Variants in BIRC3 observed in about 807,000 individuals in gnomAD.
BIRC3 encodes baculoviral IAP repeat containing 3.
In BIRC3, 26 loss-of-function variants were observed where a neutral mutation model predicts 59.0. The observed-to-expected ratio is 0.44, with a 90% confidence interval of 0.32 to 0.61. The LOEUF is 0.61. Among genes scored for constraint, BIRC3 ranks in the 20% least tolerant of loss-of-function variants. The probability of loss-of-function intolerance (pLI) is 0.04; values close to 1 mark genes in which losing one functional copy is unlikely to be tolerated. For synonymous variants in BIRC3, 243 were observed against 249.2 expected, an observed-to-expected ratio of 0.98 and a Z score of 0.24; for missense variants, 641 against 711.5, an observed-to-expected ratio of 0.90 and a Z score of 1.13.
At chr11:102,334,843 A>T (rs1951180828) in intron 6 of BIRC3, among the ~76,000 whole-genome samples, 1 of 152,212 alleles carries the variant, frequency 6.6e-6, no homozygotes, top group Admixed American at 6.5e-5. Flanking sequence ...TATTATTCAA[A>T]ATGCTGTTAC....
Position 102,337,362 on chromosome 11 carries a change from T to C in BIRC3, c.*260T>C. On this transcript the variant is annotated 3_prime_UTR_variant, in exon 9 of 9. Coordinates refer to ENST00000263464, the MANE Select transcript of BIRC3 (RefSeq NM_001165.5). The stretch of plus-strand genomic sequence containing the variant: ...ACAATATTCAATCAAAATTTCAGCA[T>C]TATTGAAATTGTAAGTGAAGTAAAA... The C allele has an allele frequency of 2.5e-6, 1 of 402,648 alleles. No homozygotes were observed. The highest frequency in any genetic ancestry group is 4.4e-6 in the Non-Finnish European group (1 of 229,178). 24.9% of individuals were successfully genotyped at this position (402,648 alleles called of 1,614,324 possible).
chr11:102,329,550 A>G (rs17885550), intron 5 of BIRC3, among the ~76,000 whole-genome samples: 2,622 of 152,318 alleles, frequency 0.017, 42 homozygotes, highest in Non-Finnish European at 0.029. Flanking sequence ...AATGTCCATC[A>G]GTGATAGACT....
In BIRC3 at chr11:102,338,283, T is replaced by A. The variant is rs556643359; in HGVS notation, c.*1181T>A. The A allele has an allele frequency of 2.6e-4, 60 of 228,492 alleles. No homozygotes were observed. The East Asian group carries it at 2.9e-3, about 11-fold the overall frequency. 14.2% of individuals were successfully genotyped at this position (228,492 alleles called of 1,614,324 possible). A position where few individuals can be genotyped will look rare whatever the true frequency, so the allele number is the denominator to read the frequency against. The stretch of plus-strand genomic sequence containing the variant: ...TCAGGGGAAGGCAGGCAAAGGCTAG[T>A]CATCTAAACCAGTTCTAGATGTCTG... On this transcript the variant is annotated 3_prime_UTR_variant, in exon 9 of 9. Coordinates refer to ENST00000263464, the MANE Select transcript of BIRC3 (RefSeq NM_001165.5).
In BIRC3 at chr11:102,324,995, C is replaced by G. The variant is rs146254676; in HGVS notation, c.486C>G (p.Tyr162Ter). The G allele has an allele frequency of 1.2e-6, 2 of 1,614,056 alleles. No individual in the cohort carries two copies. The highest frequency in any genetic ancestry group is 1.7e-6 in the Non-Finnish European group (2 of 1,180,032). ...QDFSALMRSS[Y>*]HCAMNNENAR... is the part of the protein sequence containing the mutation. ...TTTCTGCCTTGATGAGAAGTTCCTA[C>G]CACTGTGCAATGAATAACGAAAATG... The change falls in exon 2 of 9, where the codon TAC becomes TAG. Residue 162 changes from tyrosine to a stop codon, truncating the protein, a stop_gained. Transcript: ENST00000263464. LOFTEE classifies it high-confidence loss of function.
At chr11:102,336,709 T>C in intron 7 of BIRC3, 51 bp from the exon 8 acceptor site, 1 of 1,536,088 alleles carries the variant, frequency 6.5e-7, no homozygotes, top group East Asian at 2.3e-5. Flanking sequence ...ATTCCATAGC[T>C]AAATATTAAC....
chr11:102,326,763 G>A (rs773246934), intron 3 of BIRC3: 11 of 454,660 alleles, frequency 2.4e-5, no homozygotes, highest in Admixed American at 1.4e-4. Context: ...ATTGGAGTGC[G>A]ATGGTGTGAT....
chr11:102,333,943 A>G (rs1951171226), intron 6 of BIRC3, among the ~76,000 whole-genome samples: 1 of 152,168 alleles, frequency 6.6e-6, no homozygotes, highest in Admixed American at 6.5e-5. Context: ...ACTACAAAAA[A>G]TTTTTAAAAC....
At chr11:102,330,935 A>G (rs1951131304) in intron 5 of BIRC3, 64 bp from the exon 6 acceptor site, 1 of 1,456,662 alleles carries the variant, frequency 6.9e-7, no homozygotes, top group South Asian at 1.5e-5. Flanking sequence ...ATTTCATTTC[A>G]AATTTCAATT....
At chr11:102,317,994 ACAGCAGTTTTTGGTTGTCTTCCTGGTGAT>A in intron 1 of BIRC3, among the ~76,000 whole-genome samples, 1 of 152,310 alleles carries the variant, frequency 6.6e-6, no homozygotes, top group Non-Finnish European at 1.5e-5. Context: ...TGGTAGGAAG[ACAGCAGTTTTTGGTTGTCTTCCTGGTGAT>A]CAGCATGGAA....
intron 3 of BIRC3, 87 bp downstream of exon 3, chr11:102,325,652 ACT>A (rs2135785114): frequency 8.0e-7 from 1 of 1,250,426 alleles, no homozygotes; most frequent in East Asian, 2.3e-5. Context: ...TTGTTACTTT[ACT>A]CTGTTCCAAA....
intron 4 of BIRC3, 34 bp downstream of exon 4, chr11:102,328,164 C>T: frequency 6.5e-7 from 1 of 1,550,028 alleles, no homozygotes; most frequent in East Asian, 2.3e-5. Flanking sequence ...TATTGGTTGC[C>T]ATCAGAGAAA....
Position 102,328,890 on chromosome 11 carries a change from T to TC in BIRC3, c.1033-6dup, listed in dbSNP as rs1555043016. 4.5e-4 allele frequency: 565 copies of TC among 1,247,758 alleles called. 2 individuals are homozygous for TC. In the African/African-American group the frequency reaches 8.1e-3, roughly 18 times the overall value. 77.3% of individuals were successfully genotyped at this position (1,247,758 alleles called of 1,614,324 possible). On this transcript the variant is annotated splice_region_variant and splice_polypyrimidine_tract_variant and intron_variant, in intron 4 of 8. Transcript: ENST00000263464. ...TATATATATATATATATTTTTTTTT[T>TC]CTGCAGCTGCTATCCACATCAGACA...
Position 102,337,735 on chromosome 11 carries a change from T to C in BIRC3, c.*633T>C. 1 of 254,302 alleles carries C rather than the reference T, an allele frequency of 3.9e-6. No homozygotes were observed. The allele number at this position is 254,302 out of a possible 1,614,324, so 15.8% of individuals were successfully genotyped here. A position where few individuals can be genotyped will look rare whatever the true frequency, so the allele number is the denominator to read the frequency against. ...AATAAAGCAACAAAAATTACTCTTA[T>C]TCTTCATTGCTTTATTTCAATGACA... On this transcript the variant is annotated 3_prime_UTR_variant, in exon 9 of 9. Transcript: ENST00000263464.
At chr11:102,327,009 T>C (rs1951089706) in intron 3 of BIRC3, among the ~76,000 whole-genome samples, 1 of 151,984 alleles carries the variant, frequency 6.6e-6, no homozygotes, top group Non-Finnish European at 1.5e-5. Flanking sequence ...TTGAAGAGAG[T>C]AGCTAAGAGC....
At position 102,336,183 on chromosome 11, in the gene BIRC3, G is replaced by T. The variant is rs1232479620; in HGVS notation, c.1542G>T (p.Leu514=). The change falls in exon 7 of 9, where the codon CTG becomes CTT. Residue 514 remains leucine, a synonymous_variant. Transcript: ENST00000263464. Reference sequence around the variant, plus strand: ...CAGCCACTGTATTCAGAAACTCTCTGCAAGAAGCTGAAGCTGTGTTATATG... The same window carrying T: ...CAGCCACTGTATTCAGAAACTCTCTTCAAGAAGCTGAAGCTGTGTTATATG... ...NIAATVFRNS[L]QEAEAVLYEH... 2.5e-6 allele frequency: 4 copies of T among 1,612,954 alleles called. No homozygotes were observed. Among genetic ancestry groups the T allele is most frequent in the Non-Finnish European group, 3.4e-6 (4 of 1,179,570 alleles).
In BIRC3 at chr11:102,325,453, A is replaced by C; in HGVS notation, c.854-13A>C. On this transcript the variant is annotated splice_polypyrimidine_tract_variant and intron_variant, in intron 2 of 8. Coordinates refer to ENST00000263464, the MANE Select transcript of BIRC3 (RefSeq NM_001165.5). ...ATGTGTATTCATAAGTTTTGGTCTAAAATTAATTTTAGGTAACAGTGATGA... is the reference window on the plus strand; with the variant it reads ...ATGTGTATTCATAAGTTTTGGTCTACAATTAATTTTAGGTAACAGTGATGA... 1 of 1,607,494 alleles carries C rather than the reference A, an allele frequency of 6.2e-7. No homozygotes were observed. Among genetic ancestry groups the C allele is most frequent in the South Asian group, 1.1e-5 (1 of 89,130 alleles).
In BIRC3 at chr11:102,321,377, C is replaced by G. The variant is rs545794939; in HGVS notation, c.-2673-460C>G. ...ATTTTATTTTATTTTATTTTTGAGA[C>G]AGAGTCTTGCTGTGTCACCCAGGCT... On this transcript the variant is annotated intron_variant, in intron 1 of 8. Coordinates refer to ENST00000263464, the MANE Select transcript of BIRC3 (RefSeq NM_001165.5). Among the ~76,000 whole-genome samples the G allele has an allele frequency of 2.6e-5, 4 of 151,488 alleles. No individual in the cohort carries two copies. In the South Asian group the frequency reaches 8.3e-4, roughly 31 times the overall value.
chr11:102,332,005 A>G (rs1282088118), intron 6 of BIRC3, among the ~76,000 whole-genome samples: 2 of 152,194 alleles, frequency 1.3e-5, no homozygotes, highest in Non-Finnish European at 2.9e-5. Context: ...ACATTAATAC[A>G]CAAATTACTA....
intron 7 of BIRC3, 101 bp downstream of exon 7, chr11:102,336,321 G>A: frequency 7.6e-7 from 1 of 1,315,962 alleles, no homozygotes; most frequent in Non-Finnish European, 1.0e-6. Context: ...GCTGAATGTG[G>A]TGACTCATGC....
Sources: gnomAD v4.1 joint callset for allele counts (sites outside exome capture counted in the v4.1 genomes callset) on GRCh38, gnomAD v4.1.1 for gene constraint, MANE v1.5 for transcripts, NCBI Gene and HGNC (gene_info 2026-07-23, HGNC 2026-07-21) for gene names.